GFPT1: variants seen among roughly 807,000 people sequenced by gnomAD.
GFPT1 encodes the protein glutamine--fructose-6-phosphate aminotransferase [isomerizing] 1.
GFPT1 carries 40 observed loss-of-function variants against 92.0 expected under a neutral mutation model. The ratio of observed to expected loss-of-function variants is 0.43; its 90% CI spans 0.34 to 0.57. The LOEUF (loss-of-function observed/expected upper bound fraction) is 0.57, where lower values mean the gene tolerates loss of function less well. Among genes scored for constraint, GFPT1 ranks in the 20% least tolerant of loss-of-function variants. GFPT1 has a pLI of 0.02. For missense variants in GFPT1, 448 were observed against 869.1 expected (o/e 0.52, Z 6.09); for synonymous variants, 269 against 280.6 (o/e 0.96, Z 0.41).
chr2:69,369,741 A>G (rs1671696861), intron 3 of GFPT1, among the ~76,000 whole-genome samples: 1 of 152,242 alleles, frequency 6.6e-6, no homozygotes, highest in Non-Finnish European at 1.5e-5. Context: ...ACTTCATTTA[A>G]TATTCAGAGC....
intron 17 of GFPT1, 54 bp downstream of exon 17, chr2:69,329,243 G>A: frequency 3.2e-6 from 5 of 1,545,622 alleles, no homozygotes; most frequent in Non-Finnish European, 4.5e-6. Context: ...GTATGACTAT[G>A]TGTCAGGTCT....
At chr2:69,360,561 T>C (rs988079493) in intron 4 of GFPT1, among the ~76,000 whole-genome samples, 1 of 151,708 alleles carries the variant, frequency 6.6e-6, no homozygotes, top group Non-Finnish European at 1.5e-5. Context: ...ACATCAGCCT[T>C]CCAAGCAGCT....
At chr2:69,357,944 G>C (rs1671379548) in intron 6 of GFPT1, among the ~76,000 whole-genome samples, 1 of 152,216 alleles carries the variant, frequency 6.6e-6, no homozygotes, top group Non-Finnish European at 1.5e-5. Flanking sequence ...AGCTACTATT[G>C]TGCTAAGTTA....
rs952966900 is a variant in GFPT1 at position 69,325,620 on chromosome 2, G to A, written c.*569C>T. The A allele has an allele frequency of 6.6e-5, 10 of 152,370 alleles. No individual in the cohort carries two copies. Among genetic ancestry groups the A allele is most frequent in the Non-Finnish European group, 1.2e-4 (8 of 68,240 alleles). 9.4% of individuals were successfully genotyped at this position (152,370 alleles called of 1,614,324 possible). ...ATAGACAACAAGTCTGAGAAACTAA[G>A]GCTAACCAAACTTAGATATAAATCC... On this transcript the variant is annotated 3_prime_UTR_variant, in exon 20 of 20. Transcript: ENST00000357308.
chr2:69,342,771 T>C (rs926946511), intron 12 of GFPT1, among the ~76,000 whole-genome samples: 14 of 152,244 alleles, frequency 9.2e-5, no homozygotes, highest in African/African-American at 3.1e-4. Flanking sequence ...TATCTAATTA[T>C]GTCTCAATAA....
In GFPT1 at chr2:69,387,153, C is replaced by T. The variant is rs946524731; in HGVS notation, c.-82G>A. The T allele has an allele frequency of 6.9e-7, 1 of 1,456,866 alleles. No homozygotes were observed. The highest frequency in any genetic ancestry group is 1.5e-5 in the African/African-American group (1 of 67,864). The allele number at this position is 1,456,866 out of a possible 1,614,324, so 90.2% of individuals were successfully genotyped here. ...GCACACACGAGCTTCGGTGGGCAATCTGCGGGCTCGGGGGCCGGGGTGGCG... is the reference window on the plus strand; with the variant it reads ...GCACACACGAGCTTCGGTGGGCAATTTGCGGGCTCGGGGGCCGGGGTGGCG... On this transcript the variant is annotated 5_prime_UTR_variant, in exon 1 of 20. Transcript: ENST00000357308.
Position 69,324,182 on chromosome 2 carries a change from AC to A in GFPT1, c.*2006del, listed in dbSNP as rs1670478472. ...GTTTTTGATATTCAGTTTAGAACTT[AC>A]CCTAGCTTTCAGTATATTTGTGTGT... On this transcript the variant is annotated 3_prime_UTR_variant, in exon 20 of 20. Transcript: ENST00000357308. 1 of 152,140 alleles carries A rather than the reference AC, an allele frequency of 6.6e-6. No homozygotes were observed. Among genetic ancestry groups the A allele is most frequent in the East Asian group, 1.9e-4 (1 of 5,202 alleles). The allele number at this position is 152,140 out of a possible 1,614,324, so 9.4% of individuals were successfully genotyped here. A position where few individuals can be genotyped will look rare whatever the true frequency, so the allele number is the denominator to read the frequency against.
chr2:69,329,938 C>T (rs1670620686), intron 15 of GFPT1, 140 bp from the exon 16 acceptor site: 2 of 695,712 alleles, frequency 2.9e-6, no homozygotes, highest in African/African-American at 3.5e-5. Context: ...TACGTTAGGG[C>T]CAAGCATGGT....
In GFPT1 at chr2:69,322,069, A is replaced by G. The variant is rs1278461620; in HGVS notation, c.*4120T>C. ...CAAAATATTAACAATCTTCAAGTAT[A>G]GTGAGAAAAAAACTGATTTAAGTGT... On this transcript the variant is annotated 3_prime_UTR_variant, in exon 20 of 20. Coordinates refer to ENST00000357308, the MANE Select transcript of GFPT1 (RefSeq NM_001244710.2). 1 of 152,204 alleles carries G rather than the reference A, an allele frequency of 6.6e-6. No individual in the cohort carries two copies. Among genetic ancestry groups the G allele is most frequent in the African/African-American group, 2.4e-5 (1 of 41,456 alleles). The allele number at this position is 152,204 out of a possible 1,614,324, so 9.4% of individuals were successfully genotyped here. A position where few individuals can be genotyped will look rare whatever the true frequency, so the allele number is the denominator to read the frequency against.
chr2:69,352,321 A>G (rs913790531), intron 9 of GFPT1, among the ~76,000 whole-genome samples: 1 of 151,458 alleles, frequency 6.6e-6, no homozygotes, highest in African/African-American at 2.4e-5. Context: ...AGCATTTTAA[A>G]AAAATAAATG....
At position 69,329,811 on chromosome 2, in the gene GFPT1, A is replaced by C. The variant is rs1476835362; in HGVS notation, c.1483-13T>G. On this transcript the variant is annotated splice_polypyrimidine_tract_variant and intron_variant, in intron 15 of 19. Coordinates refer to ENST00000357308, the MANE Select transcript of GFPT1 (RefSeq NM_001244710.2). ...GGCTGGTATAAGCCTGAAACATCACAAAAAAGCAGGACAATTAGTTGCAGC... is the reference window on the plus strand; with the variant it reads ...GGCTGGTATAAGCCTGAAACATCACCAAAAAGCAGGACAATTAGTTGCAGC... 1 of 1,352,054 alleles carries C rather than the reference A, an allele frequency of 7.4e-7. No individual in the cohort carries two copies. The highest frequency in any genetic ancestry group is 1.1e-6 in the Non-Finnish European group (1 of 940,346). The allele number at this position is 1,352,054 out of a possible 1,614,324, so 83.8% of individuals were successfully genotyped here. A position where few individuals can be genotyped will look rare whatever the true frequency, so the allele number is the denominator to read the frequency against.
chr2:69,352,873 C>G (rs1302848013), intron 9 of GFPT1, among the ~76,000 whole-genome samples: 1 of 151,574 alleles, frequency 6.6e-6, no homozygotes, highest in Non-Finnish European at 1.5e-5. Flanking sequence ...TGGCGAAACC[C>G]CGTCTCTACT....
At chr2:69,328,698 A>AC (rs200052819) in intron 17 of GFPT1, among the ~76,000 whole-genome samples, 1 of 114,528 alleles carries the variant, frequency 8.7e-6, no homozygotes, top group African/African-American at 3.6e-5. Context: ...TTTCTGGTTA[A>AC]CCCTTTTTTT....
intron 11 of GFPT1, among the ~76,000 whole-genome samples, chr2:69,347,837 C>G (rs186059091): frequency 5.9e-5 from 9 of 152,144 alleles, no homozygotes; most frequent in Admixed American, 5.9e-4. Context: ...CTATATTATC[C>G]TCATGTTATA....
At chr2:69,383,908 G>A (rs1274880520) in intron 1 of GFPT1, among the ~76,000 whole-genome samples, 3 of 152,200 alleles carry the variant, frequency 2.0e-5, no homozygotes, top group Admixed American at 6.5e-5. Context: ...GATTGCAGGC[G>A]TGAGCCACCG....
At position 69,326,921 on chromosome 2, in the gene GFPT1, C is replaced by A. The variant is rs1490753034; in HGVS notation, c.2048G>T (p.Gly683Val). ...CAGTGGTAGATGACTTACATCATAGCCTCTCAGCACAGCAAGGTGGAAAGC... is the reference window on the plus strand; with the variant it reads ...CAGTGGTAGATGACTTACATCATAGACTCTCAGCACAGCAAGGTGGAAAGC... ...LLAFHLAVLR[G>V]YDVDFPRNLA... The change falls in exon 19 of 20, where the codon GGC (glycine) becomes GTC (valine). Residue 683 changes from glycine to valine, a missense_variant. Physicochemically the swap from Gly to Val is moderately radical, Grantham distance 109. Transcript: ENST00000357308. The A allele has an allele frequency of 1.2e-6, 2 of 1,614,202 alleles. No homozygotes were observed. The highest frequency in any genetic ancestry group is 1.7e-6 in the Non-Finnish European group (2 of 1,180,006).
At chr2:69,350,419 A>G (rs982097762) in intron 9 of GFPT1, among the ~76,000 whole-genome samples, 1 of 152,192 alleles carries the variant, frequency 6.6e-6, no homozygotes, top group Non-Finnish European at 1.5e-5. Context: ...AAAGTGCTAC[A>G]TTATATGTTT....
At chr2:69,338,385 A>G in intron 14 of GFPT1, 60 bp downstream of exon 14, 1 of 1,431,314 alleles carries the variant, frequency 7.0e-7, no homozygotes, top group Non-Finnish European at 9.8e-7. Context: ...TTGCCAAGAT[A>G]TGCTAGAATT....
chr2:69,371,932 C>T (rs1313199777), intron 2 of GFPT1, among the ~76,000 whole-genome samples: 7 of 148,604 alleles, frequency 4.7e-5, no homozygotes, highest in South Asian at 4.3e-4. Context: ...CCAGGCACGG[C>T]GGCTCACGCC....
Sources: allele counts gnomAD v4.1 joint callset (sites outside exome capture counted in the v4.1 genomes callset), GRCh38; gene constraint gnomAD v4.1.1; transcripts MANE v1.5; gene names NCBI Gene and HGNC (gene_info 2026-07-23, HGNC 2026-07-21).